Variants in ANKRD35 observed in about 807,000 individuals in gnomAD.
ANKRD35 encodes ankyrin repeat domain 35.
In ANKRD35, 102 loss-of-function variants were observed where a neutral mutation model predicts 109.9. The ratio of observed to expected loss-of-function variants is 0.93; its 90% CI spans 0.79 to 1.09. ANKRD35 has a LOEUF of 1.09. Among genes scored for constraint, ANKRD35 ranks in the 50% least tolerant of loss-of-function variants. The probability of loss-of-function intolerance (pLI) is 0.00; values close to 1 mark genes in which losing one functional copy is unlikely to be tolerated. For missense variants in ANKRD35, 1,240 were observed against 1,230.1 expected, an observed-to-expected ratio of 1.01 and a Z score of -0.12; for synonymous variants, 515 against 512.4, an observed-to-expected ratio of 1.01 and a Z score of -0.07.
intron 10 of ANKRD35, among the ~76,000 whole-genome samples, 173 bp downstream of exon 10, chr1:145,871,809 C>A (rs1265205510): frequency 2.0e-5 from 3 of 152,152 alleles, no homozygotes; most frequent in Non-Finnish European, 2.9e-5. Context: ...ATCTCACCAA[C>A]CCCCTCAGAC....
In ANKRD35 at chr1:145,873,699, T is replaced by C. The variant is rs1387838405; in HGVS notation, c.1070A>G (p.Lys357Arg). The change falls in exon 10 of 14, where the codon AAG (lysine) becomes AGG (arginine). Residue 357 changes from lysine to arginine, a missense_variant. Transcript: ENST00000355594. ...LLSWEPRASG[K>R]QGSSLRPGGD... ...TCCAGGCCGGAGACTAGAGCCTTGCTTTCCTGAAGCTCTGGGCTCCCAGGA... is the reference window on the plus strand; with the variant it reads ...TCCAGGCCGGAGACTAGAGCCTTGCCTTCCTGAAGCTCTGGGCTCCCAGGA... The C allele has an allele frequency of 3.7e-6, 6 of 1,613,996 alleles. No individual in the cohort carries two copies. The highest frequency in any genetic ancestry group is 5.1e-6 in the Non-Finnish European group (6 of 1,179,990).
At position 145,874,858 on chromosome 1, in the gene ANKRD35, G is replaced by A; in HGVS notation, c.709C>T (p.His237Tyr). 1.9e-6 allele frequency: 3 copies of A among 1,609,276 alleles called. No homozygotes were observed. Among genetic ancestry groups the A allele is most frequent in the South Asian group, 2.2e-5 (2 of 90,340 alleles). Residue 237 changes from histidine (H) to tyrosine (Y), a missense_variant, in exon 8 of 14, where the codon CAC becomes TAC. Physicochemically the swap from His to Tyr is moderately conservative, Grantham distance 83. Transcript: ENST00000355594. ...LHTQDKALWR[H>Y]LQQALSRRRR... Reference sequence around the variant, plus strand: ...CGCCGGCTCAGGGCCTGCTGTAGGTGCCTCCACAGTGCCTTGTCTTGTGTG... The same window carrying A: ...CGCCGGCTCAGGGCCTGCTGTAGGTACCTCCACAGTGCCTTGTCTTGTGTG...
chr1:145,882,178 T>A (rs12403591), intron 1 of ANKRD35, among the ~76,000 whole-genome samples: 20,797 of 151,514 alleles, frequency 0.14, 1,489 homozygotes, highest in Middle Eastern at 0.18. Flanking sequence ...ATGGTCTCAA[T>A]CTCCTGACCT....
At chr1:145,875,882 T>C (rs1553739965) in intron 7 of ANKRD35, among the ~76,000 whole-genome samples, 2 of 152,212 alleles carry the variant, frequency 1.3e-5, no homozygotes, top group African/African-American at 4.8e-5. Flanking sequence ...AAAGATAATT[T>C]GACAACCAGT....
chr1:145,883,882 C>T (rs1570810734), intron 1 of ANKRD35, among the ~76,000 whole-genome samples: 1 of 152,224 alleles, frequency 6.6e-6, no homozygotes, highest in East Asian at 1.9e-4. Flanking sequence ...AGTTTTCTTT[C>T]CAGCTAGATA....
intron 10 of ANKRD35, among the ~76,000 whole-genome samples, chr1:145,871,159 T>TTTTTTC (rs1653803466): frequency 1.3e-5 from 1 of 78,122 alleles, no homozygotes; most frequent in Non-Finnish European, 2.4e-5. Context: ...TTTTCTTTTT[T>TTTTTTC]TTTTTTTTTT....
At position 145,872,160 on chromosome 1, in the gene ANKRD35, A is replaced by T. The variant is rs1653850138; in HGVS notation, c.2609T>A (p.Leu870Gln). Residue 870 changes from leucine to glutamine, a missense_variant, in exon 10 of 14, where the codon CTG becomes CAG. By Grantham distance (113) the Leu-to-Gln change is moderately radical. Coordinates refer to ENST00000355594, the MANE Select transcript of ANKRD35 (RefSeq NM_144698.5). ...YNTACREVGRLREAVAEERRR... is the reference protein window; with the variant it reads ...YNTACREVGRQREAVAEERRR... ...GCGCTCCTCGGCCACCGCCTCCCGC[A>T]GCCGACCCACTTCCCGGCAGGCCGT... 6.2e-7 allele frequency: 1 copy of T among 1,609,360 alleles called. No individual in the cohort carries two copies. Among genetic ancestry groups the T allele is most frequent in the African/African-American group, 1.3e-5 (1 of 74,636 alleles).
chr1:145,882,296 CTTTTTTTTTT>C (rs57073568), intron 1 of ANKRD35, among the ~76,000 whole-genome samples: 61 of 103,552 alleles, frequency 5.9e-4, no homozygotes, highest in Non-Finnish European at 3.6e-4. Context: ...TCTTTCTTTC[CTTTTTTTTTT>C]TTTTTTTTGA....
rs375287957 is a variant in ANKRD35, at chr1:145,874,931, C to T, written c.636G>A (p.Ala212=). The T allele has an allele frequency of 6.0e-5, 97 of 1,613,498 alleles. 1 individual carries two copies. In the East Asian group the frequency reaches 1.5e-3, roughly 24 times the overall value. The change falls in exon 8 of 14, where the codon GCG becomes GCA. Residue 212 remains alanine (A), a synonymous_variant. Transcript: ENST00000355594. ...CATGCCCTGTGCTGTCCACAGCCCCCGCGTCAGCTCCGTGGCTCAGGAGCA... is the reference window on the plus strand; with the variant it reads ...CATGCCCTGTGCTGTCCACAGCCCCTGCGTCAGCTCCGTGGCTCAGGAGCA... ...AELLLSHGAD[A]GAVDSTGHDA...
Position 145,869,408 on chromosome 1 carries a change from C to T in ANKRD35, c.2788-1008G>A, listed in dbSNP as rs181748193. On this transcript the variant is annotated intron_variant, in intron 10 of 13. Transcript: ENST00000355594. ...CGTTGGCCAGGCTGGTCTCGAACTC[C>T]TGACCTCAGGTGATCCGCCCACCTC... is the stretch of plus-strand genomic sequence containing the variant. Among the ~76,000 whole-genome samples, 28 of 152,128 alleles carry T rather than the reference C, an allele frequency of 1.8e-4. No individual in the cohort carries two copies. The East Asian group carries it at 5.2e-3, about 28-fold the overall frequency.
rs1559174256 is a variant in ANKRD35, at chr1:145,873,905, C to CTTCT, written c.860_863dup (p.Asp290GlyfsTer3). The CTTCT allele has an allele frequency of 6.2e-7, 1 of 1,614,148 alleles. No homozygotes were observed. The highest frequency in any genetic ancestry group is 8.5e-7 in the Non-Finnish European group (1 of 1,179,960). On this transcript the variant is annotated frameshift_variant, in exon 10 of 14. Transcript: ENST00000355594. LOFTEE classifies it high-confidence loss of function. ...CCTCCGAGCACGGGTCTTCATCCTC[C>CTTCT]TTCTCCTCTTGCTCCTCTTCAGGCT... is the stretch of plus-strand genomic sequence containing the variant.
chr1:145,868,889 T>C (rs1346975693), intron 10 of ANKRD35, among the ~76,000 whole-genome samples: 1 of 152,218 alleles, frequency 6.6e-6, no homozygotes, highest in African/African-American at 2.4e-5. Context: ...CCCCATTTCG[T>C]AGATAAAGGA....
chr1:145,871,653 GGCTAATATGCAATTCAAGTCCAAAT>G (rs1653825612), intron 10 of ANKRD35, among the ~76,000 whole-genome samples: 1 of 152,126 alleles, frequency 6.6e-6, no homozygotes, highest in Non-Finnish European at 1.5e-5. Flanking sequence ...CCTCTTCCCA[GGCTAATATGCAATTCAAGTCCAAAT>G]GCTAATAAAC....
rs782639595 is a variant in ANKRD35, at chr1:145,879,234, G to A, written c.170+24C>T. ...TTCAAAAGGGAGCCACATGTAAGGG[G>A]CAGGGGCAGGAGGACTGACTTACGG... is the stretch of plus-strand genomic sequence containing the variant. On this transcript the variant is annotated intron_variant, in intron 2 of 13. Transcript: ENST00000355594. 40 of 1,568,022 alleles carry A rather than the reference G, an allele frequency of 2.6e-5. No homozygotes were observed. In the Middle Eastern group the frequency reaches 4.6e-3, roughly 179 times the overall value.
rs1653922530 is a variant in ANKRD35, at chr1:145,873,296, A to C, written c.1473T>G (p.Leu491=). 2 of 1,614,116 alleles carry C rather than the reference A, an allele frequency of 1.2e-6. No homozygotes were observed. The highest frequency in any genetic ancestry group is 1.7e-6 in the Non-Finnish European group (2 of 1,179,988). The change falls in exon 10 of 14, where the codon CTT becomes CTG. Residue 491 remains leucine (L), a synonymous_variant. Transcript: ENST00000355594. The part of the protein sequence containing the change: ...EPVGPAAMNQ[L]LLQLREELAA... ...CAAGCTCCTCCCTTAGTTGAAGCAG[A>C]AGCTGGTTCATGGCTGCTGGGCCCA...
chr1:145,871,153 C>CTTTTTTTTTTT (rs59433424), intron 10 of ANKRD35, among the ~76,000 whole-genome samples: 34 of 78,094 alleles, frequency 4.4e-4, no homozygotes, highest in Non-Finnish European at 6.7e-4. Flanking sequence ...TTTCTTTTTT[C>CTTTTTTTTTTT]TTTTTTTTTT....
chr1:145,873,041 C>A lies in ANKRD35; in HGVS notation c.1728G>T (p.Gly576=). Residue 576 remains glycine, a synonymous_variant, in exon 10 of 14, where the codon GGG becomes GGT. Transcript: ENST00000355594. The part of the protein sequence containing the change: ...SREGALKAAP[G]SIKQDEEKEK... ...CCTTCTCTTCATCCTGTTTGATGCT[C>A]CCTGGGGCTGCCTTTAGGGCTCCCT... The A allele has an allele frequency of 6.2e-7, 1 of 1,611,978 alleles. No homozygotes were observed. Among genetic ancestry groups the A allele is most frequent in the Non-Finnish European group, 8.5e-7 (1 of 1,179,036 alleles).
At chr1:145,885,639 T>G (rs1204969658) in intron 1 of ANKRD35, 81 bp downstream of exon 1, 50 of 1,444,852 alleles carry the variant, frequency 3.5e-5, no homozygotes, top group Non-Finnish European at 4.5e-5. Flanking sequence ...AAGGCGATGA[T>G]GCATTGAGAC....
chr1:145,876,459 G>A lies in ANKRD35; in HGVS notation c.453+110C>T, dbSNP rs1654078731. ...AGGAGAAGCAGGAGGAGAAGGAAGA[G>A]AAGGGTGGTGCTAACACAGCCCTAG... On this transcript the variant is annotated intron_variant, in intron 6 of 13. Transcript: ENST00000355594. The A allele has an allele frequency of 7.6e-6, 10 of 1,310,174 alleles. No homozygotes were observed. The Admixed American group carries it at 1.4e-4, about 18-fold the overall frequency. The allele number at this position is 1,310,174 out of a possible 1,614,324, so 81.2% of individuals were successfully genotyped here.
Sources: gnomAD v4.1 joint callset for allele counts (sites outside exome capture counted in the v4.1 genomes callset) on GRCh38, gnomAD v4.1.1 for gene constraint, MANE v1.5 for transcripts, NCBI Gene and HGNC (gene_info 2026-07-23, HGNC 2026-07-21) for gene names.